Variants in GSDMA observed in about 807,000 individuals in gnomAD.
The protein encoded by GSDMA is gasdermin-A.
Under a neutral mutation model 54.3 loss-of-function variants are expected in GSDMA, and 55 were observed. That is an observed-to-expected ratio of 1.01 (90% CI 0.82 to 1.27). GSDMA has a LOEUF of 1.27. GSDMA is among the 50% of genes most tolerant of loss of function. GSDMA has a pLI of 0.00. For synonymous variants in GSDMA, 211 were observed against 224.7 expected (o/e 0.94, Z 0.54); for missense variants, 542 against 542.6 (o/e 1.00, Z 0.01).
At chr17:39,974,806 A>C in intron 9 of GSDMA, 94 bp from the exon 10 acceptor site, 2 of 715,352 alleles carry the variant, frequency 2.8e-6, no homozygotes, top group East Asian at 2.7e-5. Flanking sequence ...GGAAATGGAG[A>C]GAGTTTCCGC....
In GSDMA at chr17:39,967,092, A is replaced by G. The variant is rs558983286; in HGVS notation, c.392+655A>G. ...GAAGGCCAGAAGGAAAGGCTGGGGT[A>G]GTCATCCAGCAAGCATGTATATAGT... On this transcript the variant is annotated intron_variant, in intron 3 of 11. Transcript: ENST00000301659. 3.3e-5 allele frequency among the ~76,000 whole-genome samples: 5 copies of G among 152,338 alleles called. No individual in the cohort carries two copies. The South Asian group carries it at 1.0e-3, about 32-fold the overall frequency.
intron 1 of GSDMA, among the ~76,000 whole-genome samples, 156 bp downstream of exon 1, chr17:39,963,241 C>T (rs1203231003): frequency 1.3e-5 from 2 of 152,050 alleles, no homozygotes; most frequent in African/African-American, 4.8e-5. Context: ...GTGGACATCT[C>T]TCTGGTGAAG....
intron 3 of GSDMA, among the ~76,000 whole-genome samples, chr17:39,969,451 T>G (rs1979829962): frequency 6.6e-6 from 1 of 151,706 alleles, no homozygotes; most frequent in African/African-American, 2.4e-5. Context: ...AACATAAAAT[T>G]TTAGAGAACC....
At chr17:39,967,613 G>T (rs1200992346) in intron 3 of GSDMA, among the ~76,000 whole-genome samples, 1 of 152,226 alleles carries the variant, frequency 6.6e-6, no homozygotes, top group Non-Finnish European at 1.5e-5. Context: ...GATGGAGGAA[G>T]TGTGTCAGAT....
chr17:39,968,208 T>G (rs943871214), intron 3 of GSDMA, among the ~76,000 whole-genome samples: 1 of 151,568 alleles, frequency 6.6e-6, no homozygotes, highest in African/African-American at 2.4e-5. Flanking sequence ...CCCGGCTAAT[T>G]TTTGTATTAT....
At position 39,975,986 on chromosome 17, in the gene GSDMA, C is replaced by A. The variant is rs367666201; in HGVS notation, c.1084C>A (p.Gln362Lys). Residue 362 changes from glutamine (Q) to lysine (K), a missense_variant, in exon 11 of 12, where the codon CAG becomes AAG. Gln to Lys is a moderately conservative substitution (Grantham distance 53, BLOSUM62 1). Coordinates refer to ENST00000301659, the MANE Select transcript of GSDMA (RefSeq NM_178171.5). ...CATGGAGAAAAAGATCCTACCCGTG[C>A]AGCTAAAGCTGGTGAGGGAAAAACA... ...KSMEKKILPV[Q>K]LKLVESTMEQ... The A allele has an allele frequency of 3.1e-6, 5 of 1,593,542 alleles. No individual in the cohort carries two copies. Among genetic ancestry groups the A allele is most frequent in the Non-Finnish European group, 3.4e-6 (4 of 1,169,616 alleles).
chr17:39,974,446 TG>T lies in GSDMA; in HGVS notation c.906+23del. The T allele has an allele frequency of 6.6e-7, 1 of 1,523,146 alleles. No homozygotes were observed. The highest frequency in any genetic ancestry group is 8.8e-7 in the Non-Finnish European group (1 of 1,130,570). The allele number at this position is 1,523,146 out of a possible 1,614,324, so 94.4% of individuals were successfully genotyped here. On this transcript the variant is annotated intron_variant, in intron 9 of 11. Transcript: ENST00000301659. ...GCTCGCAGTGAGGACCTAGTGGAAG[TG>T]GGGAAGGGTGGGAGAAGGCATGTTT...
chr17:39,970,537 C>A lies in GSDMA; in HGVS notation c.448C>A (p.Leu150Met), dbSNP rs1202194914. The A allele has an allele frequency of 1.9e-6, 3 of 1,606,780 alleles. No homozygotes were observed. Among genetic ancestry groups the A allele is most frequent in the Non-Finnish European group, 1.7e-6 (2 of 1,176,294 alleles). The change falls in exon 4 of 12, where the codon CTG becomes ATG. Residue 150 changes from leucine (L) to methionine (M), a missense_variant. By Grantham distance (15) the Leu-to-Met change is conservative. Transcript: ENST00000301659. ...LKEMQDQGENLYVVMEVVETV... is the reference protein window; with the variant it reads ...LKEMQDQGENMYVVMEVVETV... ...GGAGATGCAAGATCAAGGGGAGAAC[C>A]TGTATGTGGTGATGGAGGTGGTGGA...
At chr17:39,967,107 A>G (rs935488399) in intron 3 of GSDMA, among the ~76,000 whole-genome samples, 1 of 152,224 alleles carries the variant, frequency 6.6e-6, no homozygotes, top group Non-Finnish European at 1.5e-5. Flanking sequence ...TCCAGCAAGC[A>G]TGTATATAGT....
intron 3 of GSDMA, among the ~76,000 whole-genome samples, chr17:39,968,786 G>A (rs192489749): frequency 5.6e-4 from 85 of 152,278 alleles, no homozygotes; most frequent in African/African-American, 1.9e-3. Flanking sequence ...GTAGCTGATT[G>A]CAGGATGAGG....
At position 39,974,897 on chromosome 17, in the gene GSDMA, C is replaced by T. The variant is rs907339585; in HGVS notation, c.907-3C>T. 3.8e-6 allele frequency: 6 copies of T among 1,576,240 alleles called. No homozygotes were observed. The African/African-American group carries it at 6.7e-5, about 18-fold the overall frequency. On this transcript the variant is annotated splice_polypyrimidine_tract_variant and splice_region_variant and intron_variant, in intron 9 of 11. Transcript: ENST00000301659. ...TTCAATAGTCGCCCACCTTCCCCCA[C>T]AGCTTGAAGGGGCTCTAGACAAGGG...
intron 9 of GSDMA, 87 bp from the exon 10 acceptor site, chr17:39,974,813 C>T: frequency 1.4e-6 from 1 of 732,556 alleles, no homozygotes; most frequent in Admixed American, 2.7e-5. Flanking sequence ...GAGAGAGTTT[C>T]CGCATGTCAA....
intron 1 of GSDMA, among the ~76,000 whole-genome samples, chr17:39,964,511 G>C (rs190436537): frequency 6.6e-6 from 1 of 151,896 alleles, no homozygotes; most frequent in Non-Finnish European, 1.5e-5. Flanking sequence ...GGAGACTGCA[G>C]GGAGCCGAGA....
At position 39,977,123 on chromosome 17, in the gene GSDMA, A is replaced by T; in HGVS notation, c.*65A>T. 6.3e-7 allele frequency: 1 copy of T among 1,577,176 alleles called. No homozygotes were observed. Among genetic ancestry groups the T allele is most frequent in the Non-Finnish European group, 8.7e-7 (1 of 1,155,022 alleles). The stretch of plus-strand genomic sequence containing the variant: ...CCCAACCTCGTGGTGCTGTGTCCTT[A>T]CCACCTAAGGGCATTTCAGAGCCAT... On this transcript the variant is annotated 3_prime_UTR_variant, in exon 12 of 12. Transcript: ENST00000301659.
chr17:39,972,763 A>G (rs922994116), intron 7 of GSDMA, 150 bp downstream of exon 7: 1 of 798,120 alleles, frequency 1.3e-6, no homozygotes. Context: ...AAATTCCAAT[A>G]GCTTGGGAAA....
intron 4 of GSDMA, 25 bp downstream of exon 4, chr17:39,970,672 C>G: frequency 6.9e-7 from 1 of 1,440,070 alleles, no homozygotes; most frequent in Non-Finnish European, 9.2e-7. Flanking sequence ...CACACACACA[C>G]ACACACACAC....
In GSDMA at chr17:39,965,802, G is replaced by A. The variant is rs1224272343; in HGVS notation, c.115G>A (p.Val39Met). The A allele has an allele frequency of 6.2e-7, 1 of 1,603,060 alleles. No homozygotes were observed. Among genetic ancestry groups the A allele is most frequent in the Admixed American group, 1.7e-5 (1 of 58,070 alleles). The change falls in exon 2 of 12, where the codon GTG (valine) becomes ATG (methionine). Residue 39 changes from valine (V) to methionine (M), a missense_variant. Transcript: ENST00000301659. ...DFKRFHPFCL[V>M]LRKRKSTLFW... Reference sequence around the variant, plus strand: ...CAAGCGCTTCCATCCCTTCTGCCTGGTGCTGAGGAAGAGGAAGAGCACGCT... The same window carrying A: ...CAAGCGCTTCCATCCCTTCTGCCTGATGCTGAGGAAGAGGAAGAGCACGCT...
chr17:39,967,482 A>C (rs1979722001), intron 3 of GSDMA, among the ~76,000 whole-genome samples: 1 of 152,204 alleles, frequency 6.6e-6, no homozygotes, highest in Non-Finnish European at 1.5e-5. Context: ...GAGTAGAACG[A>C]GCAGGAAATG....
intron 3 of GSDMA, 94 bp from the exon 4 acceptor site, chr17:39,970,388 T>A: frequency 8.3e-7 from 1 of 1,202,732 alleles, no homozygotes; most frequent in Non-Finnish European, 1.1e-6. Flanking sequence ...GCCACCACAA[T>A]GTCTAGTTCC....
Sources: allele counts gnomAD v4.1 joint callset (sites outside exome capture counted in the v4.1 genomes callset), GRCh38; gene constraint gnomAD v4.1.1; transcripts MANE v1.5; gene names NCBI Gene and HGNC (gene_info 2026-07-23, HGNC 2026-07-21).